AFF3: variants seen among roughly 807,000 people sequenced by gnomAD.
AFF3 encodes ALF transcription elongation factor 3, also known as AF4/FMR2 family member 3.
A neutral mutation model predicts 129.7 loss-of-function variants in AFF3; 32 were observed. The observed-to-expected ratio is 0.25, with a 90% CI of 0.19 to 0.33. AFF3 has a LOEUF of 0.33. AFF3 is among the 10% of genes least tolerant of loss of function. The pLI is 1.00. For missense variants in AFF3, 1,373 were observed against 1,592.0 expected, an observed-to-expected ratio of 0.86 and a Z score of 2.34; for synonymous variants, 644 against 635.4, an observed-to-expected ratio of 1.01 and a Z score of -0.20.
intron 7 of AFF3, among the ~76,000 whole-genome samples, chr2:99,866,632 G>A (rs865796621): frequency 3.3e-5 from 5 of 152,098 alleles, no homozygotes; most frequent in South Asian, 4.1e-4. Flanking sequence ...GAAGAGTCTG[G>A]GTCACGCTGG....
At position 100,119,992 on chromosome 2, in the gene AFF3, G is replaced by A. The variant is rs149787918; in HGVS notation, c.-145+9232C>T. On this transcript the variant is annotated intron_variant, in intron 2 of 24. Transcript: ENST00000672756. ...GATAGAGCCTGAGGACCAAATTAAA[G>A]CAAACAGGTTAGCAACATCAAAACC... 1.0e-3 allele frequency among the ~76,000 whole-genome samples: 153 copies of A among 152,322 alleles called. 2 individuals carry two copies. Among genetic ancestry groups the A allele is most frequent in the Middle Eastern group, 3.4e-3 (1 of 294 alleles).
chr2:99,570,167 C>G (rs1184541324), intron 18 of AFF3, among the ~76,000 whole-genome samples: 1 of 152,174 alleles, frequency 6.6e-6, no homozygotes, highest in African/African-American at 2.4e-5. Flanking sequence ...AGGCCCTGCT[C>G]CTGCCACTCC....
chr2:99,888,734 G>A (rs1444256581), intron 7 of AFF3, among the ~76,000 whole-genome samples: 1 of 151,814 alleles, frequency 6.6e-6, no homozygotes, highest in African/African-American at 2.4e-5. Context: ...TAAGCATGCA[G>A]CTGTCTTTGT....
At chr2:99,553,872 C>A (rs1674641252) in intron 24 of AFF3, among the ~76,000 whole-genome samples, 1 of 137,910 alleles carries the variant, frequency 7.3e-6, no homozygotes, top group Non-Finnish European at 1.5e-5. Context: ...CGAGATAGTG[C>A]CCATTGCACT....
intron 11 of AFF3, among the ~76,000 whole-genome samples, chr2:99,689,514 A>T (rs962556888): frequency 1.3e-5 from 2 of 151,932 alleles, no homozygotes; most frequent in Admixed American, 6.6e-5. Flanking sequence ...CTATTAGTGC[A>T]CTTGCCACTC....
At position 99,862,251 on chromosome 2, in the gene AFF3, A is replaced by G. The variant is rs61660247; in HGVS notation, c.874-24727T>C. On this transcript the variant is annotated intron_variant, in intron 7 of 24. Coordinates refer to ENST00000672756, the MANE Select transcript of AFF3 (RefSeq NM_001386135.1). The stretch of plus-strand genomic sequence containing the variant: ...TCTTAAATCTGTCAAAACACGGGGT[A>G]GAGTTCTCTGGTTTTGCTGAATTCA... Among the ~76,000 whole-genome samples the G allele has an allele frequency of 6.6e-5, 10 of 152,268 alleles. No individual in the cohort carries two copies. The East Asian group carries it at 1.5e-3, about 24-fold the overall frequency.
At chr2:99,830,562 G>A (rs1257593631) in intron 8 of AFF3, among the ~76,000 whole-genome samples, 5 of 152,102 alleles carry the variant, frequency 3.3e-5, no homozygotes, top group Non-Finnish European at 7.4e-5. Flanking sequence ...GAACAGCCTG[G>A]CCAACATGGT....
chr2:99,947,473 CAGAT>C (rs1675680039), intron 7 of AFF3, among the ~76,000 whole-genome samples: 2 of 129,732 alleles, frequency 1.5e-5, no homozygotes, highest in South Asian at 2.5e-4. Flanking sequence ...ACAGGAAAGA[CAGAT>C]AGACAGACAG....
chr2:99,636,318 C>T (rs1413191906), intron 13 of AFF3, among the ~76,000 whole-genome samples: 1 of 152,156 alleles, frequency 6.6e-6, no homozygotes, highest in Non-Finnish European at 1.5e-5. Context: ...GACTCTTGGC[C>T]TGGGCTGGGC....
At chr2:99,777,947 C>CAAAAAAAAAAAAAAAAAAAAAAAAAAAAA in intron 8 of AFF3, among the ~76,000 whole-genome samples, 1 of 48,340 alleles carries the variant, frequency 2.1e-5, no homozygotes, top group Non-Finnish European at 3.8e-5. Context: ...AAAGCAAAAG[C>CAAAAAAAAAAAAAAAAAAAAAAAAAAAAA]AAAAAAAAAA....
At chr2:100,137,341 G>T (rs1246862048) in intron 1 of AFF3, among the ~76,000 whole-genome samples, 40 of 152,144 alleles carry the variant, frequency 2.6e-4, no homozygotes, top group Non-Finnish European at 1.5e-5. Flanking sequence ...TTTTCCCTTT[G>T]TTAACCCATG....
intron 7 of AFF3, among the ~76,000 whole-genome samples, chr2:99,959,011 C>T (rs1676948401): frequency 6.6e-6 from 1 of 151,694 alleles, no homozygotes; most frequent in Non-Finnish European, 1.5e-5. Context: ...GTGGGAGGAT[C>T]GATTGAGTCC....
intron 11 of AFF3, among the ~76,000 whole-genome samples, chr2:99,699,501 A>G (rs1322408221): frequency 1.3e-5 from 2 of 152,214 alleles, no homozygotes; most frequent in Non-Finnish European, 2.9e-5. Flanking sequence ...GTAGTTAATG[A>G]TATCTTCCTA....
intron 8 of AFF3, among the ~76,000 whole-genome samples, chr2:99,822,713 A>G (rs1436056343): frequency 6.6e-6 from 1 of 152,136 alleles, no homozygotes. Flanking sequence ...CACAGTTTGA[A>G]ACATGCTAGG....
At chr2:99,779,337 A>G (rs546710808) in intron 8 of AFF3, among the ~76,000 whole-genome samples, 1 of 152,276 alleles carries the variant, frequency 6.6e-6, no homozygotes, top group East Asian at 1.9e-4. Context: ...TATTAATTTC[A>G]ATATATAAAA....
chr2:99,872,921 A>C lies in AFF3; in HGVS notation c.874-35397T>G, dbSNP rs1248308509. ...AGTTCTAATTTTTGCTTAAAAGCTC[A>C]AATTTTATCATTAACAACAAACACT... On this transcript the variant is annotated intron_variant, in intron 7 of 24. Transcript: ENST00000672756. Among the ~76,000 whole-genome samples the C allele has an allele frequency of 2.0e-5, 3 of 152,198 alleles. No individual in the cohort carries two copies. In the South Asian group the frequency reaches 6.2e-4, roughly 32 times the overall value.
intron 4 of AFF3, among the ~76,000 whole-genome samples, chr2:100,014,954 A>ATTTTTTTTTTTT (rs562822524): frequency 2.8e-4 from 34 of 121,642 alleles, no homozygotes; most frequent in African/African-American, 5.2e-4. Context: ...CAGCCAGCTA[A>ATTTTTTTTTTTT]TTTTTTTTTT....
Position 100,105,228 on chromosome 2 carries a change from T to C in AFF3, c.-65+276A>G, listed in dbSNP as rs1691193797. 18 of 957,826 alleles carry C rather than the reference T, an allele frequency of 1.9e-5. No individual in the cohort carries two copies. The South Asian group carries it at 2.9e-4, about 15-fold the overall frequency. The allele number at this position is 957,826 out of a possible 1,614,324, so 59.3% of individuals were successfully genotyped here. A position where few individuals can be genotyped will look rare whatever the true frequency, so the allele number is the denominator to read the frequency against. ...CGGCCCAGAATCCACTTGACCCTGC[T>C]GGGCGCTCCCGCGGGCGGCGGACCC... is the stretch of plus-strand genomic sequence containing the variant. On this transcript the variant is annotated intron_variant, in intron 3 of 24. Coordinates refer to ENST00000672756, the MANE Select transcript of AFF3 (RefSeq NM_001386135.1).
intron 7 of AFF3, among the ~76,000 whole-genome samples, chr2:99,954,037 T>C (rs933120316): frequency 2.6e-5 from 4 of 152,222 alleles, no homozygotes; most frequent in African/African-American, 7.2e-5. Context: ...ATGGCCTAAG[T>C]TGCCTTGTAT....
Sources: gnomAD v4.1 joint callset for allele counts (sites outside exome capture counted in the v4.1 genomes callset) on GRCh38, gnomAD v4.1.1 for gene constraint, MANE v1.5 for transcripts, NCBI Gene and HGNC (gene_info 2026-07-23, HGNC 2026-07-21) for gene names.